ARL17B: variants seen among roughly 807,000 people sequenced by gnomAD.
ARL17B encodes ADP-ribosylation factor-like protein 17.
chr17:46,307,941 G>A lies in ARL17B; in HGVS notation c.260-8276C>T, dbSNP rs1159831289. Among the ~76,000 whole-genome samples, 6 of 75,238 alleles carry A rather than the reference G, an allele frequency of 8.0e-5. 2 individuals carry two copies. Among genetic ancestry groups the A allele is most frequent in the African/African-American group, 2.0e-4 (6 of 29,774 alleles). 49.4% of individuals were successfully genotyped at this position (75,238 alleles called of 152,430 possible). A position where few individuals can be genotyped will look rare whatever the true frequency, so the allele number is the denominator to read the frequency against. On this transcript the variant is annotated intron_variant, in intron 3 of 4. Transcript: ENST00000434041. ...GCAGGAGAATCACTTGAAACCAGGAGGCGGAGGTTGCAGTGAGCCGAGATG... is the reference window on the plus strand; with the variant it reads ...GCAGGAGAATCACTTGAAACCAGGAAGCGGAGGTTGCAGTGAGCCGAGATG...
chr17:46,283,309 C>T (rs1243267270), intron 4 of ARL17B, among the ~76,000 whole-genome samples: 2 of 152,212 alleles, frequency 1.3e-5, no homozygotes, highest in African/African-American at 2.4e-5. Context: ...CTCATGTGTA[C>T]CCACAGGTTC....
At chr17:46,282,421 T>C (rs8065107) in intron 4 of ARL17B, among the ~76,000 whole-genome samples, 2 of 151,376 alleles carry the variant, frequency 1.3e-5, no homozygotes, top group African/African-American at 4.9e-5. Context: ...TTGTTTGTTT[T>C]TTTTTTTTAA....
chr17:46,282,582 T>A (rs1465775306), intron 4 of ARL17B, among the ~76,000 whole-genome samples: 1 of 103,004 alleles, frequency 9.7e-6, no homozygotes, highest in Non-Finnish European at 2.6e-5. Context: ...GCCTGGTTAA[T>A]TTTTTTTTTT....
Position 46,337,225 on chromosome 17 carries a change from CAG to C in ARL17B, c.*2273_*2274del. 1.9e-5 allele frequency: 8 copies of C among 416,540 alleles called. No homozygotes were observed. The highest frequency in any genetic ancestry group is 3.0e-5 in the Non-Finnish European group (8 of 264,700). The allele number at this position is 416,540 out of a possible 1,614,324, so 25.8% of individuals were successfully genotyped here. A position where few individuals can be genotyped will look rare whatever the true frequency, so the allele number is the denominator to read the frequency against. On this transcript the variant is annotated 3_prime_UTR_variant, in exon 4 of 4. Coordinates refer to ENST00000450673, the MANE Select transcript of ARL17B (RefSeq NM_001039083.5). Reference sequence around the variant, plus strand: ...GATACTCATTTAGTCCTAATAAGACCAGAGAAGTACATTGTGAGATACGTGGG... The same window carrying C: ...GATACTCATTTAGTCCTAATAAGACCAGAAGTACATTGTGAGATACGTGGG...
At chr17:46,287,248 A>G (rs1461607392) in intron 4 of ARL17B, among the ~76,000 whole-genome samples, 1 of 152,216 alleles carries the variant, frequency 6.6e-6, no homozygotes, top group Non-Finnish European at 1.5e-5. Context: ...TAAACCACAC[A>G]CTGATGGTAA....
At chr17:46,290,900 T>TA (rs111769986) in intron 4 of ARL17B, among the ~76,000 whole-genome samples, 21,441 of 151,810 alleles carry the variant, frequency 0.14, 1,870 homozygotes, top group Non-Finnish European at 0.21. Flanking sequence ...GTACCTGAAA[T>TA]AAGTTTGCTG....
chr17:46,277,819 G>A (rs571873384), intron 4 of ARL17B, among the ~76,000 whole-genome samples: 1 of 124,860 alleles, frequency 8.0e-6, no homozygotes, highest in South Asian at 2.3e-4. Context: ...GCTAATTTTT[G>A]TATTTTTAGT....
chr17:46,350,610 T>C (rs923333495), intron 3 of ARL17B, among the ~76,000 whole-genome samples: 2 of 85,204 alleles, frequency 2.3e-5, no homozygotes, highest in East Asian at 4.7e-4. Context: ...GCTCACACTA[T>C]GGTCTCAGCA....
chr17:46,277,408 C>G (rs1232568769), intron 4 of ARL17B, among the ~76,000 whole-genome samples: 1 of 152,182 alleles, frequency 6.6e-6, no homozygotes, highest in Non-Finnish European at 1.5e-5. Context: ...AGGATTCACA[C>G]CCCTTGGCTT....
At chr17:46,276,125 A>G (rs1221730323) in intron 4 of ARL17B, among the ~76,000 whole-genome samples, 1 of 152,210 alleles carries the variant, frequency 6.6e-6, no homozygotes, top group Non-Finnish European at 1.5e-5. Context: ...TCCTGACCTC[A>G]GGTGATCCGC....
exon 5 of ARL17B, chr17:46,275,191 A>G (rs1237167129): frequency 3.1e-6 from 1 of 318,506 alleles, no homozygotes; most frequent in East Asian, 1.3e-4. Flanking sequence ...CGCACCTGGC[A>G]ACTTTGCTTT....
intron 3 of ARL17B, among the ~76,000 whole-genome samples, chr17:46,309,018 A>C (rs1258192209): frequency 1.3e-5 from 1 of 75,682 alleles, no homozygotes; most frequent in African/African-American, 3.4e-5. Context: ...AAATCTCTTG[A>C]ATGAAGCCTC....
At chr17:46,288,545 G>A (rs1353062000) in intron 4 of ARL17B, among the ~76,000 whole-genome samples, 3 of 151,946 alleles carry the variant, frequency 2.0e-5, no homozygotes, top group Non-Finnish European at 4.4e-5. Context: ...CGATCCACCT[G>A]CCTTGGCCTC....
intron 3 of ARL17B, among the ~76,000 whole-genome samples, chr17:46,341,295 TGGG>T (rs1423587691): frequency 7.9e-5 from 1 of 12,658 alleles, no homozygotes; most frequent in East Asian, 6.7e-4. Context: ...CTCAGAAGAT[TGGG>T]GGAGGGCCAC....
At chr17:46,275,571 T>C (rs2049563185) in intron 4 of ARL17B, among the ~76,000 whole-genome samples, 1 of 152,242 alleles carries the variant, frequency 6.6e-6, no homozygotes, top group Admixed American at 6.5e-5. Flanking sequence ...TAAGAAATTT[T>C]TAACCTATAA....
Position 46,338,021 on chromosome 17 carries a change from AGGGG to A in ARL17B, c.*1475_*1478del, listed in dbSNP as rs1233932585. 4.2e-5 allele frequency among the ~76,000 whole-genome samples: 1 copy of A among 23,618 alleles called. No homozygotes were observed. The highest frequency in any genetic ancestry group is 2.0e-4 in the African/African-American group (1 of 4,890). 15.5% of individuals were successfully genotyped at this position (23,618 alleles called of 152,430 possible). ...ACTAGGCCAGCATCCCTTTCCTCAA[AGGGG>A]GGGCTCCTAGACTGGGGGGAGGGCT... On this transcript the variant is annotated 3_prime_UTR_variant, in exon 4 of 4. Coordinates refer to ENST00000450673, the MANE Select transcript of ARL17B (RefSeq NM_001039083.5).
chr17:46,332,869 T>G (rs1302113429), downstream of ARL17B, among the ~76,000 whole-genome samples: 1 of 150,364 alleles, frequency 6.7e-6, no homozygotes, highest in South Asian at 2.1e-4. Flanking sequence ...CTCTGTGAAT[T>G]GAAACCAAGT....
intron 4 of ARL17B, among the ~76,000 whole-genome samples, chr17:46,276,838 C>T (rs1201119485): frequency 9.0e-5 from 13 of 144,154 alleles, no homozygotes; most frequent in Non-Finnish European, 1.8e-4. Context: ...GGGTCTCACT[C>T]TGTAGCCCAG....
intron 4 of ARL17B, among the ~76,000 whole-genome samples, chr17:46,282,276 GT>G (rs1371057965): frequency 6.6e-6 from 1 of 150,562 alleles, no homozygotes; most frequent in East Asian, 2.0e-4. Context: ...CTAATTTTTT[GT>G]TATTTTTAGT....
Sources: gnomAD v4.1 joint callset for allele counts (sites outside exome capture counted in the v4.1 genomes callset) on GRCh38, gnomAD v4.1.1 for gene constraint, MANE v1.5 for transcripts, NCBI Gene and HGNC (gene_info 2026-07-23, HGNC 2026-07-21) for gene names.